The following WASF2 variants were observed in gnomAD, a reference collection of about 807,000 sequenced individuals.
The protein encoded by WASF2 is actin-binding protein WASF2.
A neutral mutation model predicts 45.0 loss-of-function variants in WASF2; 14 were observed. The ratio of observed to expected loss-of-function variants is 0.31; its 90% CI spans 0.21 to 0.49. The LOEUF is 0.49. WASF2 is among the 20% of genes least tolerant of loss of function. The probability of loss-of-function intolerance (pLI) is 0.99; values close to 1 mark genes in which losing one functional copy is unlikely to be tolerated. For synonymous variants in WASF2, 200 were observed against 236.3 expected (o/e 0.85, Z 1.41); for missense variants, 439 against 636.1 (o/e 0.69, Z 3.33).
intron 1 of WASF2, among the ~76,000 whole-genome samples, chr1:27,443,442 C>T (rs1449498562): frequency 1.3e-5 from 2 of 151,742 alleles, no homozygotes; most frequent in Non-Finnish European, 2.9e-5. Context: ...GGTGAAACTC[C>T]GTCTCTACTA....
At chr1:27,429,700 C>T (rs1032821625) in intron 1 of WASF2, among the ~76,000 whole-genome samples, 39 of 150,862 alleles carry the variant, frequency 2.6e-4, no homozygotes, top group Admixed American at 1.2e-3. Context: ...TGCTTGAACC[C>T]GGAAAGCAGA....
chr1:27,418,216 T>A, intron 4 of WASF2, 53 bp downstream of exon 4: 2 of 1,551,748 alleles, frequency 1.3e-6, no homozygotes, highest in Non-Finnish European at 1.7e-6. Flanking sequence ...CAAAAAAAAA[T>A]CTAGCGTTAT....
At chr1:27,448,749 G>A (rs953241196) in intron 1 of WASF2, among the ~76,000 whole-genome samples, 1 of 151,126 alleles carries the variant, frequency 6.6e-6, no homozygotes, top group African/African-American at 2.4e-5. Flanking sequence ...GGCTGAGGCA[G>A]GAGAATCGCT....
intron 1 of WASF2, among the ~76,000 whole-genome samples, chr1:27,450,553 T>G (rs779086227): frequency 8.5e-5 from 13 of 152,078 alleles, no homozygotes; most frequent in Non-Finnish European, 1.9e-4. Flanking sequence ...CAGGCTGGAG[T>G]GCAATGGCAC....
At position 27,410,688 on chromosome 1, in the gene WASF2, C is replaced by G. The variant is rs2016750348; in HGVS notation, c.825-482G>C. Among the ~76,000 whole-genome samples, 1 of 152,180 alleles carries G rather than the reference C, an allele frequency of 6.6e-6. No individual in the cohort carries two copies. Among genetic ancestry groups the G allele is most frequent in the Non-Finnish European group, 1.5e-5 (1 of 68,032 alleles). ...TGTTTCTCAGGCTATTAACATTCAC[C>G]AGCATTGGAGAGGGCAGGAAACCCA... On this transcript the variant is annotated intron_variant, in intron 7 of 8. Coordinates refer to ENST00000618852, the MANE Select transcript of WASF2 (RefSeq NM_006990.5). The surrounding 1 kb of genome is among the most constrained non-coding windows in gnomAD (Gnocchi z 4.2).
intron 1 of WASF2, among the ~76,000 whole-genome samples, chr1:27,488,946 C>T (rs1294202520): frequency 6.6e-6 from 1 of 152,162 alleles, no homozygotes; most frequent in Non-Finnish European, 1.5e-5. Context: ...AAAATAAGAA[C>T]ATATGCCTAA....
chr1:27,464,002 C>T (rs894403738), intron 1 of WASF2, among the ~76,000 whole-genome samples: 1 of 151,552 alleles, frequency 6.6e-6, no homozygotes, highest in Non-Finnish European at 1.5e-5. Context: ...AACTCCTGAC[C>T]TCAGGTGATC....
intron 1 of WASF2, among the ~76,000 whole-genome samples, chr1:27,468,379 G>A (rs1319593660): frequency 2.0e-5 from 3 of 151,584 alleles, no homozygotes; most frequent in African/African-American, 4.8e-5. Flanking sequence ...AGTGGCTCAC[G>A]CCTGTAATCT....
chr1:27,463,808 T>A (rs573014426), intron 1 of WASF2, among the ~76,000 whole-genome samples: 2,549 of 149,280 alleles, frequency 0.017, 72 homozygotes, highest in African/African-American at 0.059. Context: ...ATTATTATTT[T>A]TTTTTTTTTT....
chr1:27,430,811 T>TAA (rs1240054656), intron 1 of WASF2, among the ~76,000 whole-genome samples: 1 of 135,660 alleles, frequency 7.4e-6, no homozygotes, highest in Non-Finnish European at 1.6e-5. Flanking sequence ...TTTATATATT[T>TAA]AAAAAAAAAA....
At chr1:27,424,385 C>A (rs1364485698) in intron 2 of WASF2, among the ~76,000 whole-genome samples, 1 of 152,220 alleles carries the variant, frequency 6.6e-6, no homozygotes, top group African/African-American at 2.4e-5. Flanking sequence ...TTCCTACATT[C>A]TTTGTGCATC....
Position 27,419,016 on chromosome 1 carries a change from A to C in WASF2, c.203T>G (p.Leu68Arg). Residue 68 changes from leucine (L) to arginine (R), a missense_variant, in exon 3 of 9, where the codon CTT becomes CGT. This residue lies in a region of WASF2 where 98 missense variants were observed against 120.7 expected (regional missense o/e 0.81). Coordinates refer to ENST00000618852, the MANE Select transcript of WASF2 (RefSeq NM_006990.5). ...CTGTAGTCGGTCGACCCTCTCAGCA[A>C]GGGAGCTTACCCGAGAGGCAAAGGT... ...ANTFASRVSS[L>R]AERVDRLQVK... 1 of 1,614,152 alleles carries C rather than the reference A, an allele frequency of 6.2e-7. No individual in the cohort carries two copies. Among genetic ancestry groups the C allele is most frequent in the Non-Finnish European group, 8.5e-7 (1 of 1,180,016 alleles).
intron 1 of WASF2, among the ~76,000 whole-genome samples, chr1:27,434,455 T>C (rs1167123415): frequency 6.6e-6 from 1 of 152,210 alleles, no homozygotes; most frequent in Non-Finnish European, 1.5e-5. Flanking sequence ...CAACATCCAC[T>C]TGCATTCTGA....
intron 1 of WASF2, among the ~76,000 whole-genome samples, chr1:27,473,252 G>A (rs1410956572): frequency 3.3e-5 from 5 of 151,724 alleles, no homozygotes; most frequent in African/African-American, 7.3e-5. Flanking sequence ...AGGCCGAGGC[G>A]GGCGGATCAC....
At position 27,414,414 on chromosome 1, in the gene WASF2, G is replaced by T. The variant is rs1048997177; in HGVS notation, c.668+419C>A. 5.9e-5 allele frequency among the ~76,000 whole-genome samples: 9 copies of T among 152,216 alleles called. No individual in the cohort carries two copies. Among genetic ancestry groups the T allele is most frequent in the African/African-American group, 1.9e-4 (8 of 41,442 alleles). ...CTGACTGAAAAGTTGCTTTGGTGAT[G>T]TGAACAGCTTTCTTGCCTAGCCCTC... On this transcript the variant is annotated intron_variant, in intron 6 of 8. Transcript: ENST00000618852. This position sits in a 1 kb window ranked among gnomAD's most constrained non-coding sequence, Gnocchi z 4.1.
chr1:27,430,028 G>T (rs2017040379), intron 1 of WASF2, among the ~76,000 whole-genome samples: 1 of 152,186 alleles, frequency 6.6e-6, no homozygotes, highest in African/African-American at 2.4e-5. Flanking sequence ...GTCTGGAGCA[G>T]ATCCGGAAAC....
intron 1 of WASF2, among the ~76,000 whole-genome samples, chr1:27,454,439 T>A (rs1053630924): frequency 3.3e-5 from 5 of 151,368 alleles, no homozygotes; most frequent in Non-Finnish European, 7.4e-5. Flanking sequence ...AGCCTCAAAC[T>A]CCTGGGCTCA....
chr1:27,476,614 C>A (rs939051350), intron 1 of WASF2, among the ~76,000 whole-genome samples: 5 of 152,010 alleles, frequency 3.3e-5, no homozygotes, highest in Non-Finnish European at 5.9e-5. Context: ...CTTCCAGAGG[C>A]TTCTGAAAAG....
intron 2 of WASF2, among the ~76,000 whole-genome samples, chr1:27,423,898 T>A (rs2504769): frequency 6.6e-6 from 1 of 151,898 alleles, no homozygotes; most frequent in East Asian, 1.9e-4. Context: ...TCACCCACAC[T>A]GCAGTCAGTT....
Sources: gnomAD v4.1 joint callset for allele counts (sites outside exome capture counted in the v4.1 genomes callset) on GRCh38, gnomAD v4.1.1 for gene constraint, gnomAD v4.1.1 regional missense constraint, Gnocchi (gnomAD v3.1) non-coding constraint, MANE v1.5 for transcripts, NCBI Gene and HGNC (gene_info 2026-07-23, HGNC 2026-07-21) for gene names.